Variants in FAM186A observed in about 807,000 individuals in gnomAD.
FAM186A encodes family with sequence similarity 186 member A.
FAM186A carries 163 observed loss-of-function variants against 216.8 expected under a neutral mutation model. That is an observed-to-expected ratio of 0.75 (90% CI 0.66 to 0.86). The LOEUF is 0.86. Among genes scored for constraint, FAM186A ranks in the 40% least tolerant of loss-of-function variants. The probability of loss-of-function intolerance (pLI) is 0.00; values close to 1 mark genes in which losing one functional copy is unlikely to be tolerated. For synonymous variants in FAM186A, 805 were observed against 1,025.3 expected, an observed-to-expected ratio of 0.79 and a Z score of 4.10; for missense variants, 2,184 against 2,746.2, an observed-to-expected ratio of 0.80 and a Z score of 4.58.
Position 50,373,022 on chromosome 12 carries a change from A to G in FAM186A, c.193-9658T>C, listed in dbSNP as rs1321350004. 6.8e-3 allele frequency among the ~76,000 whole-genome samples: 983 copies of G among 143,900 alleles called. 16 individuals are homozygous for G. The highest frequency in any genetic ancestry group is 0.022 in the East Asian group (105 of 4,810). The allele number at this position is 143,900 out of a possible 152,430, so 94.4% of individuals were successfully genotyped here. ...ATGAAAGAAAGAAAGAAAGAAAGAA[A>G]GAAAGAAAGAAAGAAAGAAAGAAAG... is the stretch of plus-strand genomic sequence containing the variant. On this transcript the variant is annotated intron_variant, in intron 1 of 7. Coordinates refer to ENST00000327337, the MANE Select transcript of FAM186A (RefSeq NM_001145475.3).
Position 50,354,916 on chromosome 12 carries a change from AGT to A in FAM186A, c.1914_1915del (p.Gln638HisfsTer3), listed in dbSNP as rs1942956260. 6.4e-7 allele frequency: 1 copy of A among 1,550,580 alleles called. No individual in the cohort carries two copies. The highest frequency in any genetic ancestry group is 8.7e-7 in the Non-Finnish European group (1 of 1,146,828). The stretch of plus-strand genomic sequence containing the variant: ...AGCCACTCTTGAGAGTGATTTAACA[AGT>A]TGATGAGACTTGACTTGTTTGGTCA... On this transcript the variant is annotated frameshift_variant, in exon 4 of 8. Coordinates refer to ENST00000327337, the MANE Select transcript of FAM186A (RefSeq NM_001145475.3). LOFTEE classifies it high-confidence loss of function.
rs564551477 is a variant in FAM186A, at chr12:50,379,475, A to C, written c.193-16111T>G. On this transcript the variant is annotated intron_variant, in intron 1 of 7. Transcript: ENST00000327337. ...AGAAAGAAAAAAAGAGGGAAAAACA[A>C]AAACAAAAACAAAAAAAAACTAAAG... Among the ~76,000 whole-genome samples the C allele has an allele frequency of 2.2e-3, 23 of 10,498 alleles. No homozygotes were observed. In the Non-Finnish European group the frequency reaches 0.041, roughly 19 times the overall value. 6.9% of individuals were successfully genotyped at this position (10,498 alleles called of 152,430 possible). A position where few individuals can be genotyped will look rare whatever the true frequency, so the allele number is the denominator to read the frequency against.
In FAM186A at chr12:50,330,739, C is replaced by T. The variant is rs775858165; in HGVS notation, c.6868G>A (p.Glu2290Lys). ...KKFRQQEDQT[E>K]AIWNVDLSTS... ...GACAGATCAACATTCCAGATGGCCT[C>T]TGTCTGGTCCTCTTGTTGCCTACAG... Residue 2290 changes from glutamate to lysine, a missense_variant, in exon 7 of 8, where the codon GAG becomes AAG. Transcript: ENST00000327337. 6.6e-7 allele frequency: 1 copy of T among 1,525,156 alleles called. No individual in the cohort carries two copies. Among genetic ancestry groups the T allele is most frequent in the African/African-American group, 1.4e-5 (1 of 71,500 alleles). The allele number at this position is 1,525,156 out of a possible 1,614,324, so 94.5% of individuals were successfully genotyped here.
At chr12:50,360,557 C>T (rs901326052) in intron 3 of FAM186A, among the ~76,000 whole-genome samples, 199 bp downstream of exon 3, 4 of 151,628 alleles carry the variant, frequency 2.6e-5, no homozygotes, top group Admixed American at 6.6e-5. Context: ...TGGTGGTACA[C>T]GTCTGTAGTT....
Position 50,353,413 on chromosome 12 carries a change from G to T in FAM186A, c.3419C>A (p.Thr1140Asn). The change falls in exon 4 of 8, where the codon ACC becomes AAC. Residue 1140 changes from threonine to asparagine, a missense_variant. Transcript: ENST00000327337. ...ALGIPLTPQQ[T>N]QVQGITLTPQ... ...GGTGAGAGTGATCCCTTGAACCTGG[G>T]TCTGCTGAGGGGTGAGAGGGATCCC... 3 of 1,530,908 alleles carry T rather than the reference G, an allele frequency of 2.0e-6. No individual in the cohort carries two copies. Among genetic ancestry groups the T allele is most frequent in the Non-Finnish European group, 2.6e-6 (3 of 1,137,482 alleles). The allele number at this position is 1,530,908 out of a possible 1,614,324, so 94.8% of individuals were successfully genotyped here. A position where few individuals can be genotyped will look rare whatever the true frequency, so the allele number is the denominator to read the frequency against.
rs142934100 is a variant in FAM186A at position 50,384,317 on chromosome 12, C to T, written c.192+11976G>A. Among the ~76,000 whole-genome samples the T allele has an allele frequency of 8.4e-3, 1,283 of 151,964 alleles. 17 individuals carry two copies. The highest frequency in any genetic ancestry group is 0.029 in the African/African-American group (1,205 of 41,448). ...ACTGGGTGTGGTAGTCCTAGATGGT[C>T]GGCAAGCTGAGGCTGGAGGATCCCT... On this transcript the variant is annotated intron_variant, in intron 1 of 7. Coordinates refer to ENST00000327337, the MANE Select transcript of FAM186A (RefSeq NM_001145475.3).
chr12:50,335,653 A>G (rs1337018181), intron 4 of FAM186A, among the ~76,000 whole-genome samples: 1 of 152,028 alleles, frequency 6.6e-6, no homozygotes, highest in Non-Finnish European at 1.5e-5. Context: ...CTCAAAAAAA[A>G]AAAAATGACA....
At chr12:50,345,871 T>G (rs1429818116) in intron 4 of FAM186A, among the ~76,000 whole-genome samples, 1 of 152,002 alleles carries the variant, frequency 6.6e-6, no homozygotes, top group East Asian at 1.9e-4. Context: ...CAATAGTTTT[T>G]TCTAATGTAG....
Position 50,354,398 on chromosome 12 carries a change from GT to G in FAM186A, c.2433del (p.Gln812ArgfsTer26). On this transcript the variant is annotated frameshift_variant, in exon 4 of 8. Coordinates refer to ENST00000327337, the MANE Select transcript of FAM186A (RefSeq NM_001145475.3). LOFTEE classifies it high-confidence loss of function. ...SERDIPTVST[V>X]QKDHKEKEKQ... ...TTTTCCTTCTCCTTGTGGTCTTTCT[GT>G]ACTGTTGAGACTGTTGGAATATCTC... The G allele has an allele frequency of 1.3e-6, 2 of 1,551,394 alleles. No homozygotes were observed. Among genetic ancestry groups the G allele is most frequent in the Non-Finnish European group, 1.7e-6 (2 of 1,146,970 alleles).
At chr12:50,341,661 C>T (rs1273475988) in intron 4 of FAM186A, among the ~76,000 whole-genome samples, 1 of 152,050 alleles carries the variant, frequency 6.6e-6, no homozygotes, top group Non-Finnish European at 1.5e-5. Flanking sequence ...ATGGTGAAAC[C>T]CTGTCTCTAC....
At chr12:50,366,709 T>TA (rs34350421) in intron 1 of FAM186A, among the ~76,000 whole-genome samples, 70,713 of 141,058 alleles carry the variant, frequency 0.5, 20,364 homozygotes, top group Non-Finnish European at 0.64. Context: ...CTTTCATTAT[T>TA]AAAAAAAAAA....
intron 1 of FAM186A, among the ~76,000 whole-genome samples, chr12:50,381,545 A>G (rs1199069275): frequency 1.3e-5 from 2 of 151,554 alleles, no homozygotes; most frequent in African/African-American, 2.4e-5. Flanking sequence ...TTCTGTCTCA[A>G]AAAAAAATTG....
Position 50,356,211 on chromosome 12 carries a change from T to C in FAM186A, c.621A>G (p.Arg207=). 1 of 1,550,402 alleles carries C rather than the reference T, an allele frequency of 6.4e-7. No homozygotes were observed. The highest frequency in any genetic ancestry group is 2.4e-5 in the East Asian group (1 of 40,898). ...RGTLWKSWKE[R]VIKRPSTARA... is the part of the protein sequence containing the mutation. ...GGGCTGTTGAAGGTCGTTTTATAAC[T>C]CTTTCTTTCCAAGATTTCCATAGAG... Residue 207 remains arginine (R), a synonymous_variant, in exon 4 of 8, where the codon AGA becomes AGG. Coordinates refer to ENST00000327337, the MANE Select transcript of FAM186A (RefSeq NM_001145475.3).
intron 1 of FAM186A, among the ~76,000 whole-genome samples, chr12:50,374,068 G>A (rs555785832): frequency 6.8e-6 from 1 of 147,608 alleles, no homozygotes; most frequent in Non-Finnish European, 1.5e-5. Context: ...ACCAAACACC[G>A]CATATTCTCA....
chr12:50,332,612 C>T (rs934154137), intron 5 of FAM186A, among the ~76,000 whole-genome samples: 5 of 152,156 alleles, frequency 3.3e-5, no homozygotes, highest in Non-Finnish European at 7.3e-5. Flanking sequence ...ATTGTGATTC[C>T]TGTTAGATAA....
intron 7 of FAM186A, among the ~76,000 whole-genome samples, chr12:50,330,121 G>A (rs1301845850): frequency 6.6e-6 from 1 of 152,146 alleles, no homozygotes; most frequent in Non-Finnish European, 1.5e-5. Context: ...TTGGAAATGT[G>A]GAGTCATCTC....
At position 50,354,340 on chromosome 12, in the gene FAM186A, T is replaced by C; in HGVS notation, c.2492A>G (p.Gln831Arg). ...GAGACTCATGCCAGACATTTGTTCT[T>C]GACCCTCTTGCAAATATTGCTCCTG... ...QRQEQYLQEG[Q>R]EQMSGMSLKQ... Residue 831 changes from glutamine (Q) to arginine (R), a missense_variant, in exon 4 of 8, where the codon CAA becomes CGA. Transcript: ENST00000327337. 1.9e-6 allele frequency: 3 copies of C among 1,551,744 alleles called. No individual in the cohort carries two copies. The highest frequency in any genetic ancestry group is 2.6e-6 in the Non-Finnish European group (3 of 1,147,010).
chr12:50,386,277 C>G (rs768868030), intron 1 of FAM186A, among the ~76,000 whole-genome samples: 3 of 150,828 alleles, frequency 2.0e-5, no homozygotes, highest in African/African-American at 7.3e-5. Flanking sequence ...AAAAATACAA[C>G]AATTAGCCAA....
intron 5 of FAM186A, among the ~76,000 whole-genome samples, chr12:50,332,512 T>G (rs1942665684): frequency 6.6e-6 from 1 of 152,172 alleles, no homozygotes; most frequent in African/African-American, 2.4e-5. Flanking sequence ...TTTTGTCTCC[T>G]TTCTCCAAGC....
Sources: gnomAD v4.1 joint callset for allele counts (sites outside exome capture counted in the v4.1 genomes callset) on GRCh38, gnomAD v4.1.1 for gene constraint, MANE v1.5 for transcripts, NCBI Gene and HGNC (gene_info 2026-07-23, HGNC 2026-07-21) for gene names.